LIMS1: variants seen among roughly 807,000 people sequenced by gnomAD.
LIMS1 encodes LIM and senescent cell antigen-like-containing domain protein 1.
Under a neutral mutation model 44.1 loss-of-function variants are expected in LIMS1, and 18 were observed. The observed-to-expected ratio is 0.41, with a 90% CI of 0.28 to 0.61. The LOEUF is 0.61. Among genes scored for constraint, LIMS1 ranks in the 20% least tolerant of loss-of-function variants. The pLI is 0.32. For synonymous variants in LIMS1, 93 were observed against 149.1 expected, an observed-to-expected ratio of 0.62 and a Z score of 2.74; for missense variants, 201 against 422.0, an observed-to-expected ratio of 0.48 and a Z score of 4.59.
chr2:108,557,027 G>A (rs1475917841), intron 1 of LIMS1, among the ~76,000 whole-genome samples: 3 of 152,068 alleles, frequency 2.0e-5, no homozygotes, highest in African/African-American at 4.8e-5. Context: ...ATCCGCCTTC[G>A]TTCAGTCCTG....
chr2:108,673,853 T>A (rs1692312966), intron 5 of LIMS1: 1 of 152,228 alleles, frequency 6.6e-6, no homozygotes, highest in Admixed American at 6.5e-5. Flanking sequence ...TCTCTGTACA[T>A]GCATAACTTT....
chr2:108,636,295 C>T (rs926519466), intron 1 of LIMS1, among the ~76,000 whole-genome samples: 3 of 152,162 alleles, frequency 2.0e-5, no homozygotes, highest in African/African-American at 7.2e-5. Context: ...AAGGTACCCC[C>T]TACATAGCTG....
At position 108,582,156 on chromosome 2, in the gene LIMS1, C is replaced by T. The variant is rs530544640; in HGVS notation, c.32+47562C>T. 3.2e-4 allele frequency among the ~76,000 whole-genome samples: 48 copies of T among 152,346 alleles called. 2 individuals carry two copies. In the South Asian group the frequency reaches 9.5e-3, roughly 30 times the overall value. On this transcript the variant is annotated intron_variant, in intron 1 of 9. Coordinates refer to ENST00000544547, the Ensembl canonical transcript of LIMS1. ...TGACAAGCGGTTCCCTTAGGTACTT[C>T]AGTGAGTACTTCTAGCATTAATGCT...
intron 1 of LIMS1, among the ~76,000 whole-genome samples, chr2:108,611,250 A>G (rs2577602): frequency 0.95 from 144,873 of 152,278 alleles, 68,989 homozygotes; most frequent in East Asian, 1. Flanking sequence ...CTGTTTCATT[A>G]GATTATTGTA....
intron 1 of LIMS1, among the ~76,000 whole-genome samples, chr2:108,635,203 G>A (rs1440504492): frequency 6.6e-6 from 1 of 152,116 alleles, no homozygotes; most frequent in Non-Finnish European, 1.5e-5. Context: ...GGCCCAGGCG[G>A]GTGGATCACC....
Position 108,672,459 on chromosome 2 carries a change from C to T in LIMS1, c.380+14C>T. ...GAATGCTGGGAGGTAGGTGGATTTTCATCCTTGTCAGATGTGGGTGGACAA... is the reference window on the plus strand; with the variant it reads ...GAATGCTGGGAGGTAGGTGGATTTTTATCCTTGTCAGATGTGGGTGGACAA... On this transcript the variant is annotated intron_variant, in intron 4 of 9. Transcript: ENST00000544547. 1 of 692,050 alleles carries T rather than the reference C, an allele frequency of 1.4e-6. No individual in the cohort carries two copies. The highest frequency in any genetic ancestry group is 2.2e-6 in the Non-Finnish European group (1 of 455,276). 42.9% of individuals were successfully genotyped at this position (692,050 alleles called of 1,614,324 possible). A position where few individuals can be genotyped will look rare whatever the true frequency, so the allele number is the denominator to read the frequency against.
exon 10 of LIMS1, chr2:108,684,772 T>A (rs1693219518): frequency 6.6e-6 from 1 of 152,148 alleles, no homozygotes; most frequent in Non-Finnish European, 1.5e-5. Flanking sequence ...CAATTATGTT[T>A]CTAAGCTTAA....
At chr2:108,635,455 G>A (rs770071828) in intron 1 of LIMS1, among the ~76,000 whole-genome samples, 21 of 135,838 alleles carry the variant, frequency 1.5e-4, no homozygotes, top group Non-Finnish European at 2.8e-4. Flanking sequence ...AAAAAAGAAT[G>A]GTTGTAATCC....
At chr2:108,672,326 T>A (rs1051027154) in exon 4 of LIMS1, 1 of 1,318,690 alleles carries the variant, frequency 7.6e-7, no homozygotes, top group African/African-American at 1.5e-5. Context: ...TTCCCACAGG[T>A]GAATTCATCA....
chr2:108,675,965 T>C (rs111660688), exon 6 of LIMS1: 21 of 1,613,900 alleles, frequency 1.3e-5, no homozygotes, highest in African/African-American at 8.0e-5. Flanking sequence ...CCATCTGTGG[T>C]GCTTGCCGAC....
chr2:108,537,417 G>A (rs1196776134), intron 1 of LIMS1, among the ~76,000 whole-genome samples: 4 of 152,190 alleles, frequency 2.6e-5, no homozygotes, highest in African/African-American at 9.7e-5. Context: ...TTGTAGTTTT[G>A]GCTAGTTTTA....
chr2:108,575,363 TGAA>T (rs1172483579), intron 1 of LIMS1, among the ~76,000 whole-genome samples: 1 of 152,220 alleles, frequency 6.6e-6, no homozygotes, highest in Non-Finnish European at 1.5e-5. Flanking sequence ...TTGATGGCTG[TGAA>T]ACCTGAGTCC....
chr2:108,682,691 A>G (rs1319119031), intron 9 of LIMS1, among the ~76,000 whole-genome samples: 1 of 152,114 alleles, frequency 6.6e-6, no homozygotes, highest in Non-Finnish European at 1.5e-5. Flanking sequence ...TTCATTTTAG[A>G]TATGTGTTTA....
At chr2:108,581,175 G>A (rs1019321617) in intron 1 of LIMS1, among the ~76,000 whole-genome samples, 2 of 152,176 alleles carry the variant, frequency 1.3e-5, no homozygotes, top group African/African-American at 4.8e-5. Context: ...CACAAAACCA[G>A]TTAGGCCTTA....
At chr2:108,677,909 AT>A in intron 7 of LIMS1, 69 bp from the exon 8 acceptor site, 1 of 1,530,340 alleles carries the variant, frequency 6.5e-7, no homozygotes, top group African/African-American at 1.4e-5. Flanking sequence ...ATAGCCAGCT[AT>A]TTTTAAATGT....
intron 1 of LIMS1, among the ~76,000 whole-genome samples, chr2:108,624,671 C>T (rs563348560): frequency 3.3e-5 from 5 of 152,248 alleles, no homozygotes; most frequent in South Asian, 2.1e-4. Context: ...GCAGGAGAAT[C>T]GTTTGAACCC....
chr2:108,552,123 A>G (rs1395889195), intron 1 of LIMS1, among the ~76,000 whole-genome samples: 1 of 145,968 alleles, frequency 6.9e-6, no homozygotes, highest in African/African-American at 2.5e-5. Flanking sequence ...TATATTATAT[A>G]TACTATATAT....
chr2:108,667,505 A>G (rs1407911441), intron 2 of LIMS1, among the ~76,000 whole-genome samples: 1 of 138,980 alleles, frequency 7.2e-6, no homozygotes, highest in Non-Finnish European at 1.5e-5. Context: ...ATTTTATTTT[A>G]TCATATACAG....
At chr2:108,536,695 C>T (rs1407455554) in intron 1 of LIMS1, among the ~76,000 whole-genome samples, 2 of 152,170 alleles carry the variant, frequency 1.3e-5, no homozygotes, top group African/African-American at 2.4e-5. Flanking sequence ...ATCCTTCCAC[C>T]TCAGTCCCCC....
Sources: allele counts gnomAD v4.1 joint callset (sites outside exome capture counted in the v4.1 genomes callset), GRCh38; gene constraint gnomAD v4.1.1; transcripts MANE v1.5; gene names NCBI Gene and HGNC (gene_info 2026-07-23, HGNC 2026-07-21).